NCKAP5: variants seen among roughly 807,000 people sequenced by gnomAD.
NCKAP5 encodes the protein NCK associated protein 5.
In NCKAP5, 92 loss-of-function variants were observed where a neutral mutation model predicts 167.0. The observed-to-expected ratio is 0.55, with a 90% CI of 0.47 to 0.66. The LOEUF is 0.66. Ranked by LOEUF, NCKAP5 falls within the 30% of genes least tolerant of loss-of-function variation. The probability of loss-of-function intolerance (pLI) is 0.00; values close to 1 mark genes in which losing one functional copy is unlikely to be tolerated. For synonymous variants in NCKAP5, 891 were observed against 877.4 expected, an observed-to-expected ratio of 1.02 and a Z score of -0.27; for missense variants, 2,378 against 2,315.0, an observed-to-expected ratio of 1.03 and a Z score of -0.56.
intron 6 of NCKAP5, among the ~76,000 whole-genome samples, chr2:133,042,549 T>C (rs1396530291): frequency 6.6e-6 from 1 of 152,214 alleles, no homozygotes; most frequent in Non-Finnish European, 1.5e-5. Flanking sequence ...TAATTGTATC[T>C]GACAAACTTA....
In NCKAP5 at chr2:133,417,732, T is replaced by C. The variant is rs142066206; in HGVS notation, c.69+99726A>G. Among the ~76,000 whole-genome samples, 656 of 152,190 alleles carry C rather than the reference T, an allele frequency of 4.3e-3. 4 individuals are homozygous for C. Among genetic ancestry groups the C allele is most frequent in the Middle Eastern group, 0.017 (5 of 294 alleles). On this transcript the variant is annotated intron_variant, in intron 3 of 19. Coordinates refer to ENST00000409261, the MANE Select transcript of NCKAP5 (RefSeq NM_207363.3). Reference sequence around the variant, plus strand: ...ACAGGACCTGGGAGCAAAGGCTAAATAGCCCTGGTATTATTTTGCCTGGAG... The same window carrying C: ...ACAGGACCTGGGAGCAAAGGCTAAACAGCCCTGGTATTATTTTGCCTGGAG...
chr2:133,289,581 A>C (rs978915995), intron 4 of NCKAP5, among the ~76,000 whole-genome samples: 16 of 151,972 alleles, frequency 1.1e-4, no homozygotes, highest in Admixed American at 1.0e-3. Flanking sequence ...GTCTCTACTA[A>C]AAGTACAAAA....
chr2:133,516,148 T>C (rs1397486632), intron 3 of NCKAP5, among the ~76,000 whole-genome samples: 1 of 152,140 alleles, frequency 6.6e-6, no homozygotes, highest in Non-Finnish European at 1.5e-5. Context: ...CAGACCCTAT[T>C]GGCATGCTGA....
At chr2:132,962,582 T>C (rs766099542) in intron 8 of NCKAP5, among the ~76,000 whole-genome samples, 54 of 151,554 alleles carry the variant, frequency 3.6e-4, no homozygotes, top group African/African-American at 9.9e-4. Flanking sequence ...CCCCTCCAGG[T>C]CTTTTTGTTT....
chr2:133,303,116 C>G lies in NCKAP5; in HGVS notation c.70-6G>C, dbSNP rs1374416085. The G allele has an allele frequency of 6.3e-7, 1 of 1,575,604 alleles. No homozygotes were observed. Among genetic ancestry groups the G allele is most frequent in the Admixed American group, 1.8e-5 (1 of 54,250 alleles). ...TTATTGGAGTCCATGTATTCCTGCA[C>G]AAGCAGACAAAGACAGATGAAAACT... On this transcript the variant is annotated splice_polypyrimidine_tract_variant and splice_region_variant and intron_variant, in intron 3 of 19. Coordinates refer to ENST00000409261, the MANE Select transcript of NCKAP5 (RefSeq NM_207363.3).
At chr2:133,134,017 C>A (rs1365590041) in intron 5 of NCKAP5, among the ~76,000 whole-genome samples, 1 of 152,198 alleles carries the variant, frequency 6.6e-6, no homozygotes, top group Non-Finnish European at 1.5e-5. Context: ...AAAATTTAAG[C>A]ATGACACAAA....
intron 6 of NCKAP5, among the ~76,000 whole-genome samples, chr2:133,061,090 C>T (rs199564707): frequency 7.3e-6 from 1 of 137,196 alleles, no homozygotes; most frequent in Non-Finnish European, 1.6e-5. Flanking sequence ...ACAACAACAA[C>T]AAAAAAACCT....
intron 4 of NCKAP5, among the ~76,000 whole-genome samples, chr2:133,225,122 C>G (rs1180808732): frequency 6.6e-6 from 1 of 152,004 alleles, no homozygotes; most frequent in Admixed American, 6.6e-5. Flanking sequence ...ACAATTAAGA[C>G]AAACTTTTAA....
rs201592269 is a variant in NCKAP5 at position 132,785,002 on chromosome 2, G to A, written c.1809C>T (p.Asp603=). Residue 603 remains aspartate (D), a synonymous_variant, in exon 14 of 20, where the codon GAC becomes GAT. Transcript: ENST00000409261. ...TATCGGTGTCGGCAGCCAATGACAC[G>A]TCTGAAGGACTTTTCTCATCACTGC... ...IESSDEKSPS[D]VSLAADTDKS... 1.0e-4 allele frequency: 167 copies of A among 1,613,774 alleles called. No homozygotes were observed. Among genetic ancestry groups the A allele is most frequent in the Middle Eastern group, 4.9e-4 (3 of 6,084 alleles).
chr2:133,029,680 C>T (rs1465798853), intron 6 of NCKAP5, among the ~76,000 whole-genome samples: 2 of 152,064 alleles, frequency 1.3e-5, no homozygotes, highest in Non-Finnish European at 2.9e-5. Context: ...TTCCCAGTCC[C>T]CTGAAATGAG....
At chr2:133,231,512 C>T (rs527882057) in intron 4 of NCKAP5, among the ~76,000 whole-genome samples, 3 of 152,272 alleles carry the variant, frequency 2.0e-5, no homozygotes, top group African/African-American at 7.2e-5. Context: ...AGGATCTAGG[C>T]TTATCTAAAC....
At chr2:133,112,457 G>A (rs912845873) in intron 6 of NCKAP5, among the ~76,000 whole-genome samples, 7 of 149,756 alleles carry the variant, frequency 4.7e-5, no homozygotes, top group Admixed American at 2.7e-4. Context: ...CTGGGCAACA[G>A]AGTAAGACTC....
At chr2:133,369,227 G>T (rs961502070) in intron 3 of NCKAP5, among the ~76,000 whole-genome samples, 1 of 152,200 alleles carries the variant, frequency 6.6e-6, no homozygotes, top group South Asian at 2.1e-4. Context: ...TGGCATGTAG[G>T]GTGGATAGGC....
At chr2:132,825,410 AG>A (rs1474899539) in intron 11 of NCKAP5, among the ~76,000 whole-genome samples, 6 of 152,188 alleles carry the variant, frequency 3.9e-5, no homozygotes, top group Admixed American at 3.9e-4. Flanking sequence ...AAAAATCTGG[AG>A]GGGGAAGGGA....
chr2:133,545,601 G>A (rs753989988), intron 2 of NCKAP5, among the ~76,000 whole-genome samples: 7 of 152,044 alleles, frequency 4.6e-5, no homozygotes, highest in Non-Finnish European at 7.4e-5. Flanking sequence ...AGTGGTTACC[G>A]CACCTAGCAC....
intron 3 of NCKAP5, among the ~76,000 whole-genome samples, chr2:133,483,216 A>G (rs1680611918): frequency 6.6e-6 from 1 of 152,170 alleles, no homozygotes; most frequent in African/African-American, 2.4e-5. Context: ...CTGCATCCCA[A>G]ATTGCAAATG....
intron 3 of NCKAP5, among the ~76,000 whole-genome samples, chr2:133,440,819 C>T (rs1690800169): frequency 6.6e-6 from 1 of 151,516 alleles, no homozygotes; most frequent in Non-Finnish European, 1.5e-5. Flanking sequence ...ACATTTAAAC[C>T]CCAATTCTAA....
At chr2:133,569,839 T>G (rs1688793816), upstream of NCKAP5, among the ~76,000 whole-genome samples, 1 of 152,230 alleles carries the variant, frequency 6.6e-6, no homozygotes, top group African/African-American at 2.4e-5. Flanking sequence ...AAATTGTGTA[T>G]GTCACTGATG....
intron 3 of NCKAP5, among the ~76,000 whole-genome samples, chr2:133,401,973 C>A (rs1262638479): frequency 2.0e-5 from 3 of 152,146 alleles, no homozygotes; most frequent in Non-Finnish European, 4.4e-5. Context: ...CATGATCTCT[C>A]GAGATTCAGC....
Sources: gnomAD v4.1 joint callset for allele counts (sites outside exome capture counted in the v4.1 genomes callset) on GRCh38, gnomAD v4.1.1 for gene constraint, MANE v1.5 for transcripts, NCBI Gene and HGNC (gene_info 2026-07-23, HGNC 2026-07-21) for gene names.